TAFA2: variants seen among roughly 807,000 people sequenced by gnomAD.
TAFA2 encodes TAFA chemokine like family member 2.
In TAFA2, 7 loss-of-function variants were observed where a neutral mutation model predicts 18.8. The ratio of observed to expected loss-of-function variants is 0.37; its 90% confidence interval spans 0.21 to 0.70. The LOEUF (loss-of-function observed/expected upper bound fraction) is 0.70, where lower values mean the gene tolerates loss of function less well. TAFA2 is among the 30% of genes least tolerant of loss of function. The pLI is 0.53. For missense variants in TAFA2, 122 were observed against 158.1 expected (o/e 0.77, Z 1.23); for synonymous variants, 60 against 54.2 (o/e 1.11, Z -0.47).
intron 2 of TAFA2, among the ~76,000 whole-genome samples, chr12:61,855,694 T>C (rs1196761717): frequency 3.3e-5 from 5 of 152,118 alleles, no homozygotes; most frequent in African/African-American, 7.2e-5. Flanking sequence ...TACTGGATGC[T>C]TCAGAATTAT....
chr12:62,135,997 A>C (rs1012011362), intron 1 of TAFA2: 2 of 152,118 alleles, frequency 1.3e-5, no homozygotes, highest in Non-Finnish European at 2.9e-5. Flanking sequence ...CAGACGCATC[A>C]TGATGAATGC....
At chr12:62,005,578 T>C (rs1048744976) in intron 1 of TAFA2, among the ~76,000 whole-genome samples, 1 of 152,162 alleles carries the variant, frequency 6.6e-6, no homozygotes, top group Admixed American at 6.5e-5. Context: ...GAAAGTGCTT[T>C]CATTGACTAT....
chr12:62,234,542 C>T (rs2062826696), intron 1 of TAFA2: 2 of 859,876 alleles, frequency 2.3e-6, no homozygotes, highest in South Asian at 1.3e-5. Flanking sequence ...CTGGTGTGTA[C>T]CCACGTATGT....
At chr12:61,760,228 TAAC>T (rs1869474650) in intron 2 of TAFA2, among the ~76,000 whole-genome samples, 1 of 151,118 alleles carries the variant, frequency 6.6e-6, no homozygotes, top group African/African-American at 2.4e-5. Context: ...AGAAGAGAGG[TAAC>T]CTTTTAAAAA....
rs1020246554 is a variant in TAFA2, at chr12:61,766,507, C to T, written c.107-11483G>A. On this transcript the variant is annotated intron_variant, in intron 2 of 4. Transcript: ENST00000416284. Reference sequence around the variant, plus strand: ...TACTCTAGGAAGCTGTTACTTAGCCCGTTAGGTAGACTGAACCATTCCCTG... The same window carrying T: ...TACTCTAGGAAGCTGTTACTTAGCCTGTTAGGTAGACTGAACCATTCCCTG... Among the ~76,000 whole-genome samples, 6 of 152,148 alleles carry T rather than the reference C, an allele frequency of 3.9e-5. No homozygotes were observed. In the East Asian group the frequency reaches 7.8e-4, roughly 20 times the overall value.
At chr12:61,925,059 C>A (rs79269145) in intron 1 of TAFA2, among the ~76,000 whole-genome samples, 1 of 152,110 alleles carries the variant, frequency 6.6e-6, no homozygotes, top group African/African-American at 2.4e-5. Flanking sequence ...TATATGCACC[C>A]AATACAGGAG....
intron 1 of TAFA2, among the ~76,000 whole-genome samples, chr12:62,060,415 T>C (rs1438454790): frequency 6.6e-6 from 1 of 152,236 alleles, no homozygotes. Flanking sequence ...TGATGCTGTT[T>C]GTAGTGATGC....
chr12:62,257,169 T>TGTATATGTATATATACACA (rs2062944234), intron 1 of TAFA2, among the ~76,000 whole-genome samples: 1 of 112,992 alleles, frequency 8.9e-6, no homozygotes, highest in African/African-American at 3.1e-5. Context: ...TATATGTGTG[T>TGTATATGTATATATACACA]GTGTGTGTGT....
intron 1 of TAFA2, among the ~76,000 whole-genome samples, chr12:61,881,403 G>GT (rs1192376751): frequency 2.0e-5 from 3 of 152,154 alleles, no homozygotes; most frequent in African/African-American, 7.2e-5. Flanking sequence ...GTAGGCAACT[G>GT]TAACACAATG....
At chr12:61,973,591 T>C (rs988642201) in intron 1 of TAFA2, among the ~76,000 whole-genome samples, 1 of 151,594 alleles carries the variant, frequency 6.6e-6, no homozygotes, top group African/African-American at 2.4e-5. Context: ...CAATTATATC[T>C]CAATCCCCTA....
intron 1 of TAFA2, among the ~76,000 whole-genome samples, chr12:61,976,558 C>T (rs946812555): frequency 2.0e-5 from 3 of 151,888 alleles, no homozygotes; most frequent in Non-Finnish European, 4.4e-5. Flanking sequence ...CTTTATTATA[C>T]TTTAAGTTCT....
chr12:61,738,503 C>G (rs888166125), intron 4 of TAFA2, among the ~76,000 whole-genome samples: 1 of 152,020 alleles, frequency 6.6e-6, no homozygotes, highest in Admixed American at 6.6e-5. Context: ...GAAGAATTGT[C>G]TCCTTCACCT....
chr12:61,974,495 T>C (rs1565701801), intron 1 of TAFA2, among the ~76,000 whole-genome samples: 5 of 151,848 alleles, frequency 3.3e-5, no homozygotes, highest in Admixed American at 1.3e-4. Context: ...TTTTTAAGTG[T>C]TTATTAAATG....
At chr12:61,914,499 T>C (rs1203132344) in intron 1 of TAFA2, among the ~76,000 whole-genome samples, 1 of 152,212 alleles carries the variant, frequency 6.6e-6, no homozygotes, top group Admixed American at 6.5e-5. Context: ...TAAGAGTTAC[T>C]GTAAACCTAA....
At chr12:61,810,413 A>T (rs751590584) in intron 2 of TAFA2, among the ~76,000 whole-genome samples, 1 of 151,126 alleles carries the variant, frequency 6.6e-6, no homozygotes, top group Non-Finnish European at 1.5e-5. Context: ...ACTTAAAGAG[A>T]TTAAATGTAG....
intron 1 of TAFA2, among the ~76,000 whole-genome samples, chr12:62,164,745 G>A (rs1379367725): frequency 2.0e-5 from 3 of 152,030 alleles, no homozygotes; most frequent in African/African-American, 4.8e-5. Context: ...AATTGTTAAC[G>A]CTTCTGTTAG....
At chr12:61,904,165 A>G (rs1876237528) in intron 1 of TAFA2, among the ~76,000 whole-genome samples, 1 of 152,166 alleles carries the variant, frequency 6.6e-6, no homozygotes, top group Non-Finnish European at 1.5e-5. Flanking sequence ...AATACACACC[A>G]GCAGCTAGTG....
intron 2 of TAFA2, among the ~76,000 whole-genome samples, chr12:61,780,085 C>G (rs554898493): frequency 6.6e-6 from 1 of 151,718 alleles, no homozygotes; most frequent in South Asian, 2.1e-4. Flanking sequence ...AAAACAATGT[C>G]AAATATCCCA....
intron 2 of TAFA2, among the ~76,000 whole-genome samples, chr12:61,782,194 G>C (rs903995216): frequency 1.3e-5 from 2 of 151,612 alleles, no homozygotes; most frequent in Non-Finnish European, 1.5e-5. Flanking sequence ...CCTCAAAAAT[G>C]AGTTCAGGCC....
Sources: gnomAD v4.1 joint callset for allele counts (sites outside exome capture counted in the v4.1 genomes callset) on GRCh38, gnomAD v4.1.1 for gene constraint, MANE v1.5 for transcripts, NCBI Gene and HGNC (gene_info 2026-07-23, HGNC 2026-07-21) for gene names.